The following NFIB variants were observed in gnomAD, a reference collection of about 807,000 sequenced individuals.
NFIB encodes nuclear factor I B.
Under a neutral mutation model 61.5 loss-of-function variants are expected in NFIB, and 11 were observed. That is an observed-to-expected ratio of 0.18 (90% CI 0.11 to 0.30). The LOEUF (loss-of-function observed/expected upper bound fraction) is 0.30. Ranked by LOEUF, NFIB falls within the 10% of genes least tolerant of loss-of-function variation. The pLI is 1.00. For synonymous variants in NFIB, 260 were observed against 216.5 expected (o/e 1.20, Z -1.76); for missense variants, 471 against 608.9 (o/e 0.77, Z 2.38).
At chr9:14,387,109 T>G (rs1482672535) in intron 1 of NFIB, among the ~76,000 whole-genome samples, 1 of 152,236 alleles carries the variant, frequency 6.6e-6, no homozygotes, top group Non-Finnish European at 1.5e-5. Flanking sequence ...GGTGTATGAC[T>G]TGGGGTTAGG....
At chr9:14,134,433 T>C (rs1005467224) in intron 6 of NFIB, among the ~76,000 whole-genome samples, 2 of 152,104 alleles carry the variant, frequency 1.3e-5, no homozygotes, top group African/African-American at 2.4e-5. Context: ...TGAAAAGAAC[T>C]AGACAAGAAT....
chr9:14,180,792 T>C (rs933793202), intron 2 of NFIB: 12 of 152,248 alleles, frequency 7.9e-5, no homozygotes, highest in African/African-American at 2.9e-4. Context: ...GTGCTGTTCA[T>C]GGCTGTGAAT....
intron 2 of NFIB, among the ~76,000 whole-genome samples, chr9:14,256,147 A>T (rs2056201611): frequency 6.6e-6 from 1 of 152,194 alleles, no homozygotes; most frequent in Admixed American, 6.5e-5. Context: ...CACTTTTTCT[A>T]GAAGCCTCTC....
intron 2 of NFIB, among the ~76,000 whole-genome samples, chr9:14,243,043 T>G (rs899628341): frequency 6.6e-6 from 1 of 152,220 alleles, no homozygotes; most frequent in Non-Finnish European, 1.5e-5. Flanking sequence ...TTGTACAGTA[T>G]GTCGGTAAGG....
chr9:14,207,990 A>C (rs1183710815), intron 2 of NFIB, among the ~76,000 whole-genome samples: 1 of 152,204 alleles, frequency 6.6e-6, no homozygotes, highest in Non-Finnish European at 1.5e-5. Context: ...GCACCATCAG[A>C]TTCACAAGGC....
At chr9:14,330,317 A>G (rs1293243366) in intron 1 of NFIB, among the ~76,000 whole-genome samples, 1 of 152,222 alleles carries the variant, frequency 6.6e-6, no homozygotes, top group East Asian at 1.9e-4. Context: ...ATCATGTGCT[A>G]AGACCCTAGT....
the NFIB span, among the ~76,000 whole-genome samples, chr9:14,473,012 G>A: frequency 6.6e-6 from 1 of 152,118 alleles, no homozygotes; most frequent in African/African-American, 2.4e-5. Context: ...TTAACATCCA[G>A]GCTTTAAAAG....
At chr9:14,234,746 T>G (rs2053566631) in intron 2 of NFIB, among the ~76,000 whole-genome samples, 1 of 152,150 alleles carries the variant, frequency 6.6e-6, no homozygotes, top group African/African-American at 2.4e-5. Context: ...AACTAAAATT[T>G]TATTAAACAT....
intron 2 of NFIB, among the ~76,000 whole-genome samples, chr9:14,253,268 G>T (rs1023381639): frequency 3.3e-5 from 5 of 152,022 alleles, no homozygotes; most frequent in Non-Finnish European, 7.4e-5. Flanking sequence ...CATCTTTAAC[G>T]AACTAACAAA....
rs191007946 is a variant in NFIB, at chr9:14,116,480, G to A, written c.1246-134C>T. The A allele has an allele frequency of 3.3e-4, 300 of 908,850 alleles. 1 individual carries two copies. In the African/African-American group the frequency reaches 4.6e-3, roughly 14 times the overall value. 56.3% of individuals were successfully genotyped at this position (908,850 alleles called of 1,614,324 possible). A position where few individuals can be genotyped will look rare whatever the true frequency, so the allele number is the denominator to read the frequency against. On this transcript the variant is annotated intron_variant, in intron 8 of 10. Transcript: ENST00000380953. ...GGCGCCACACAGGCCCTCTCGAGTC[G>A]GAGTCGGAGAGGCCAGTCAATGGTT...
chr9:14,495,914 T>C, the NFIB span, among the ~76,000 whole-genome samples: 2 of 152,354 alleles, frequency 1.3e-5, no homozygotes, highest in East Asian at 3.9e-4. Context: ...ACTATCTAAG[T>C]TTCTGTTCCA....
At chr9:14,517,650 G>C in the NFIB span, among the ~76,000 whole-genome samples, 1 of 152,070 alleles carries the variant, frequency 6.6e-6, no homozygotes, top group Admixed American at 6.6e-5. Context: ...TGTGTGTGTA[G>C]ATAGGGTGAT....
At chr9:14,334,976 A>G (rs1374323999) in intron 1 of NFIB, among the ~76,000 whole-genome samples, 1 of 152,166 alleles carries the variant, frequency 6.6e-6, no homozygotes, top group Non-Finnish European at 1.5e-5. Context: ...CTTTCAGCAT[A>G]ATTATTTTGA....
the NFIB span, among the ~76,000 whole-genome samples, chr9:14,527,306 T>G: frequency 2.6e-5 from 4 of 152,214 alleles, no homozygotes; most frequent in African/African-American, 9.6e-5. Context: ...TCGTTGTTGT[T>G]GTTTTACTCA....
chr9:14,250,378 G>A (rs184360096), intron 2 of NFIB, among the ~76,000 whole-genome samples: 1 of 152,272 alleles, frequency 6.6e-6, no homozygotes, highest in African/African-American at 2.4e-5. Flanking sequence ...CTCAAAGGCA[G>A]CTTTTTGGAA....
chr9:14,390,658 G>A (rs978270627), intron 1 of NFIB, among the ~76,000 whole-genome samples: 5 of 152,226 alleles, frequency 3.3e-5, no homozygotes, highest in Non-Finnish European at 7.3e-5. Flanking sequence ...ATTAGGTTAT[G>A]AAAGTGGAGC....
chr9:14,481,999 C>T, the NFIB span, among the ~76,000 whole-genome samples: 3 of 152,022 alleles, frequency 2.0e-5, no homozygotes, highest in Non-Finnish European at 4.4e-5. Flanking sequence ...AAGTTATTTA[C>T]CTTCAGTGAC....
chr9:14,114,109 C>G (rs1422104294), intron 9 of NFIB, among the ~76,000 whole-genome samples: 2 of 152,194 alleles, frequency 1.3e-5, no homozygotes, highest in African/African-American at 2.4e-5. Flanking sequence ...AACTGGCTTT[C>G]TAAAACCAAT....
At chr9:14,335,273 C>T (rs936363596) in intron 1 of NFIB, among the ~76,000 whole-genome samples, 3 of 152,144 alleles carry the variant, frequency 2.0e-5, no homozygotes, top group Admixed American at 2.0e-4. Context: ...CACCGTTTTC[C>T]AAAAGTGGCT....
Sources: gnomAD v4.1 joint callset for allele counts (sites outside exome capture counted in the v4.1 genomes callset) on GRCh38, gnomAD v4.1.1 for gene constraint, MANE v1.5 for transcripts, NCBI Gene and HGNC (gene_info 2026-07-23, HGNC 2026-07-21) for gene names.